NPC1: variants seen among roughly 807,000 people sequenced by gnomAD.
The protein encoded by NPC1 is NPC intracellular cholesterol transporter 1.
In NPC1, 85 loss-of-function variants were observed where a neutral mutation model predicts 140.4. The ratio of observed to expected loss-of-function variants is 0.61; its 90% CI spans 0.51 to 0.72. The LOEUF (loss-of-function observed/expected upper bound fraction) is 0.72. Among genes scored for constraint, NPC1 ranks in the 30% least tolerant of loss-of-function variants. NPC1 has a pLI of 0.00. For missense variants in NPC1, 1,504 were observed against 1,623.8 expected (o/e 0.93, Z 1.27); for synonymous variants, 656 against 624.8 (o/e 1.05, Z -0.74).
intron 10 of NPC1, 150 bp from the exon 11 acceptor site, chr18:23,548,258 T>C: frequency 1.5e-6 from 1 of 684,012 alleles, no homozygotes; most frequent in South Asian, 1.5e-5. Flanking sequence ...TTTGCTGAAA[T>C]AGTCTTTATG....
chr18:23,576,368 G>A (rs934883802), intron 1 of NPC1: 8 of 505,330 alleles, frequency 1.6e-5, no homozygotes, highest in African/African-American at 1.3e-4. Context: ...GCTGCAGTGA[G>A]CTGAGATAGC....
chr18:23,540,580 A>T, intron 16 of NPC1, 43 bp from the exon 17 acceptor site: 1 of 1,325,676 alleles, frequency 7.5e-7, no homozygotes, highest in Non-Finnish European at 1.1e-6. Context: ...TGCTTAGTAA[A>T]TAAGCTTACG....
intron 1 of NPC1, 115 bp downstream of exon 1, chr18:23,586,172 G>C (rs1042399535): frequency 1.7e-6 from 2 of 1,155,278 alleles, no homozygotes; most frequent in African/African-American, 3.1e-5. Context: ...GCTCTCCATC[G>C]CCAGACCAAC....
rs374169117 is a variant in NPC1, at chr18:23,560,330, G to A, written c.782C>T (p.Thr261Met). Residue 261 changes from threonine (T) to methionine (M), a missense_variant, in exon 6 of 25, where the codon ACG (threonine) becomes ATG (methionine). Thr to Met is a moderately conservative substitution (Grantham distance 81). Transcript: ENST00000269228. ...PQPPPPPAPW[T>M]ILGLDAMYVI... is the part of the protein sequence containing the mutation. ...ATACATGGCGTCCAAGCCAAGGATC[G>A]TCCAGGGAGCAGGAGGAGGTGGGGG... is the stretch of plus-strand genomic sequence containing the variant. 6.8e-6 allele frequency: 11 copies of A among 1,614,082 alleles called. No homozygotes were observed. The highest frequency in any genetic ancestry group is 4.4e-5 in the South Asian group (4 of 91,090).
At chr18:23,576,513 A>G (rs2145566274) in intron 1 of NPC1, 1 of 997,296 alleles carries the variant, frequency 1.0e-6, no homozygotes, top group Non-Finnish European at 1.2e-6. Flanking sequence ...CTTAGGCACT[A>G]TTTTAAATGC....
intron 9 of NPC1, among the ~76,000 whole-genome samples, chr18:23,552,360 G>A (rs1567962017): frequency 6.6e-6 from 1 of 152,242 alleles, no homozygotes. Flanking sequence ...CACCAAGGGG[G>A]CTCCTGAAGG....
At chr18:23,508,185 C>T (rs943940165) in intron 3 of NPC1, 50 of 664,142 alleles carry the variant, frequency 7.5e-5, no homozygotes, top group South Asian at 5.3e-4. Flanking sequence ...TGGAGTCAGG[C>T]GGGGTGTTTG....
At chr18:23,539,583 A>T (rs2058683118) in intron 18 of NPC1, 113 bp from the exon 19 acceptor site, 1 of 845,194 alleles carries the variant, frequency 1.2e-6, no homozygotes. Context: ...GCTAACAGTC[A>T]AAAGAAAAAC....
chr18:23,510,096 G>A (rs977163509), intron 3 of NPC1, among the ~76,000 whole-genome samples: 4 of 151,604 alleles, frequency 2.6e-5, no homozygotes, highest in Non-Finnish European at 4.4e-5. Context: ...GCCAAGGTGG[G>A]TGGATGGCTT....
chr18:23,586,438 C>CGCAGGAGGAGCGGAGGA lies in NPC1; in HGVS notation c.-112_-96dup. 3 of 1,511,718 alleles carry CGCAGGAGGAGCGGAGGA rather than the reference C, an allele frequency of 2.0e-6. No individual in the cohort carries two copies. The highest frequency in any genetic ancestry group is 2.6e-6 in the Non-Finnish European group (3 of 1,136,000). 93.6% of individuals were successfully genotyped at this position (1,511,718 alleles called of 1,614,324 possible). A position where few individuals can be genotyped will look rare whatever the true frequency, so the allele number is the denominator to read the frequency against. The stretch of plus-strand genomic sequence containing the variant: ...TTCCCCGGGCTGTTTCAGCACCCCG[C>CGCAGGAGGAGCGGAGGA]GCAGGAGGAGCGGAGGAGCAGGAGC... On this transcript the variant is annotated 5_prime_UTR_variant, in exon 1 of 25. Coordinates refer to ENST00000269228, the MANE Select transcript of NPC1 (RefSeq NM_000271.5).
intron 3 of NPC1, chr18:23,516,213 G>T: frequency 7.1e-7 from 1 of 1,411,624 alleles, no homozygotes; most frequent in South Asian, 1.2e-5. Flanking sequence ...CGGTGGAAAG[G>T]ATCCAAAGAC....
chr18:23,534,684 C>T (rs2058599654), intron 22 of NPC1, 125 bp from the exon 23 acceptor site: 2 of 756,540 alleles, frequency 2.6e-6, no homozygotes, highest in East Asian at 5.3e-5. Flanking sequence ...CCAAGCATCC[C>T]ATTGGACTTA....
chr18:23,560,131 G>C, intron 6 of NPC1, 100 bp downstream of exon 6: 1 of 1,428,682 alleles, frequency 7.0e-7, no homozygotes, highest in Non-Finnish European at 9.8e-7. Flanking sequence ...GGAGGTATTT[G>C]TTTCTTGTCC....
At chr18:23,586,199 C>T in intron 1 of NPC1, 88 bp downstream of exon 1, 2 of 1,426,442 alleles carry the variant, frequency 1.4e-6, no homozygotes, top group Non-Finnish European at 1.9e-6. Context: ...AGGACCCGGG[C>T]CTGAGCCGTC....
intron 4 of NPC1, among the ~76,000 whole-genome samples, chr18:23,566,950 G>A (rs2059134628): frequency 6.6e-6 from 1 of 152,116 alleles, no homozygotes; most frequent in African/African-American, 2.4e-5. Context: ...TTTCAGATTG[G>A]CTTTGCTTAG....
At chr18:23,577,207 G>A (rs1385644224) in intron 1 of NPC1, among the ~76,000 whole-genome samples, 1 of 151,748 alleles carries the variant, frequency 6.6e-6, no homozygotes, top group Non-Finnish European at 1.5e-5. Flanking sequence ...GCTAAACACA[G>A]GGTGCTGATT....
intron 1 of NPC1, among the ~76,000 whole-genome samples, chr18:23,584,488 T>C (rs2059392173): frequency 6.6e-6 from 1 of 152,342 alleles, no homozygotes; most frequent in Non-Finnish European, 1.5e-5. Flanking sequence ...ACCTCTGACC[T>C]ATCCCAAATG....
rs544889050 is a variant in NPC1, at chr18:23,552,756, G to A, written c.1554-1029C>T. Among the ~76,000 whole-genome samples the A allele has an allele frequency of 1.1e-4, 17 of 152,312 alleles. No individual in the cohort carries two copies. The South Asian group carries it at 3.1e-3, about 28-fold the overall frequency. ...CCACCCGTCAGAGTGGATGGGTGAC[G>A]GCATGAGGGAGGTCAGGTGACCTGC... On this transcript the variant is annotated intron_variant, in intron 9 of 24. Coordinates refer to ENST00000269228, the MANE Select transcript of NPC1 (RefSeq NM_000271.5).
In NPC1 at chr18:23,534,505, T is replaced by C. The variant is rs2058596030; in HGVS notation, c.3532A>G (p.Ser1178Gly). The part of the protein sequence containing the change: ...CSHITRAFTV[S>G]MKGSRVERAE... ...CGCTCCACGCGGCTGCCTTTCATGC[T>C]CACCGTGAACGCTCTGGTTATGTGG... Residue 1178 changes from serine to glycine, a missense_variant, in exon 23 of 25, where the codon AGC becomes GGC. Coordinates refer to ENST00000269228, the MANE Select transcript of NPC1 (RefSeq NM_000271.5). The C allele has an allele frequency of 6.2e-7, 1 of 1,614,054 alleles. No individual in the cohort carries two copies. Among genetic ancestry groups the C allele is most frequent in the South Asian group, 1.1e-5 (1 of 91,080 alleles).
Sources: allele counts gnomAD v4.1 joint callset (sites outside exome capture counted in the v4.1 genomes callset), GRCh38; gene constraint gnomAD v4.1.1; transcripts MANE v1.5; gene names NCBI Gene and HGNC (gene_info 2026-07-23, HGNC 2026-07-21).